Variants in ACTR10 observed in about 807,000 individuals in gnomAD.
The protein encoded by ACTR10 is actin-related protein 10.
A neutral mutation model predicts 56.2 loss-of-function variants in ACTR10; 43 were observed. That is an observed-to-expected ratio of 0.77 (90% CI 0.60 to 0.99). ACTR10 has a LOEUF of 0.99. Among genes scored for constraint, ACTR10 ranks in the 50% least tolerant of loss-of-function variants. ACTR10 has a pLI of 0.00. For missense variants in ACTR10, 466 were observed against 507.8 expected, an observed-to-expected ratio of 0.92 and a Z score of 0.79; for synonymous variants, 170 against 176.3, an observed-to-expected ratio of 0.96 and a Z score of 0.28.
At chr14:58,216,827 T>C (rs138100217) in intron 7 of ACTR10, among the ~76,000 whole-genome samples, 1 of 152,366 alleles carries the variant, frequency 6.6e-6, no homozygotes, top group East Asian at 1.9e-4. Flanking sequence ...TAATTTATTA[T>C]AGCACATATG....
intron 11 of ACTR10, among the ~76,000 whole-genome samples, chr14:58,230,912 C>G (rs1806488988): frequency 6.6e-6 from 1 of 152,024 alleles, no homozygotes; most frequent in African/African-American, 2.4e-5. Flanking sequence ...AGGCACCCAC[C>G]ACCTTGCCCA....
intron 7 of ACTR10, among the ~76,000 whole-genome samples, chr14:58,218,156 T>A (rs1259486900): frequency 1.3e-5 from 2 of 152,218 alleles, no homozygotes; most frequent in Non-Finnish European, 2.9e-5. Context: ...CTTTGACATG[T>A]TAAAATTTAT....
At chr14:58,203,144 A>G (rs969948784) in intron 2 of ACTR10, among the ~76,000 whole-genome samples, 8 of 152,018 alleles carry the variant, frequency 5.3e-5, no homozygotes, top group African/African-American at 7.3e-5. Flanking sequence ...TCAACTAAAA[A>G]TACAAAAATT....
intron 2 of ACTR10, 59 bp from the exon 3 acceptor site, chr14:58,207,877 A>G (rs1219221940): frequency 9.8e-7 from 1 of 1,021,178 alleles, no homozygotes; most frequent in African/African-American, 1.7e-5. Context: ...TTACATTTTA[A>G]TCTTAATTTG....
intron 5 of ACTR10, among the ~76,000 whole-genome samples, chr14:58,212,504 A>G (rs1034498920): frequency 2.6e-5 from 4 of 152,240 alleles, no homozygotes; most frequent in Admixed American, 6.5e-5. Context: ...AAAAATATTC[A>G]TGGAAGGAAA....
rs1157043083 is a variant in ACTR10 at position 58,200,150 on chromosome 14, C to T, written c.-68C>T. 2 of 1,224,048 alleles carry T rather than the reference C, an allele frequency of 1.6e-6. No homozygotes were observed. The highest frequency in any genetic ancestry group is 1.0e-6 in the Non-Finnish European group (1 of 954,028). 75.8% of individuals were successfully genotyped at this position (1,224,048 alleles called of 1,614,324 possible). A position where few individuals can be genotyped will look rare whatever the true frequency, so the allele number is the denominator to read the frequency against. On this transcript the variant is annotated 5_prime_UTR_variant, in exon 1 of 13. Transcript: ENST00000254286. ...CCCGAGCGCCGGAGCCCCGGCCCCG[C>T]CCCGCGAGCGCCGAGACTTGTTGGC...
At chr14:58,219,545 T>C (rs1316589225) in intron 7 of ACTR10, 149 bp from the exon 8 acceptor site, 1 of 486,874 alleles carries the variant, frequency 2.1e-6, no homozygotes, top group Non-Finnish European at 3.6e-6. Flanking sequence ...AAAACAAAAT[T>C]AAATTTTTCT....
intron 2 of ACTR10, among the ~76,000 whole-genome samples, chr14:58,205,277 C>T (rs553674897): frequency 1.3e-5 from 2 of 151,254 alleles, no homozygotes; most frequent in South Asian, 4.2e-4. Context: ...TAGACGAGAC[C>T]AGCAGTTTAT....
Position 58,232,126 on chromosome 14 carries a change from A to T in ACTR10, c.931A>T (p.Met311Leu). The T allele has an allele frequency of 6.2e-7, 1 of 1,613,960 alleles. No individual in the cohort carries two copies. The highest frequency in any genetic ancestry group is 8.5e-7 in the Non-Finnish European group (1 of 1,179,932). ...TTTGGTAGTCATAGGTGGCACTTCT[A>T]TGTTGCCAGGATTTCTCCACAGATT... ...ENLVVIGGTS[M>L]LPGFLHRLLA... The change falls in exon 12 of 13, where the codon ATG becomes TTG. Residue 311 changes from methionine to leucine, a missense_variant. By Grantham distance (15) the Met-to-Leu change is conservative (BLOSUM62 2). Transcript: ENST00000254286.
intron 7 of ACTR10, among the ~76,000 whole-genome samples, chr14:58,217,412 AATCCCAGCAC>A (rs1889157622): frequency 6.6e-6 from 1 of 152,172 alleles, no homozygotes; most frequent in African/African-American, 2.4e-5. Context: ...TCACGCCTGT[AATCCCAGCAC>A]TTTGGGACGC....
intron 2 of ACTR10, among the ~76,000 whole-genome samples, chr14:58,204,407 C>T (rs1182063411): frequency 6.6e-6 from 1 of 151,426 alleles, no homozygotes; most frequent in East Asian, 1.9e-4. Context: ...AAAATAAAAT[C>T]GTGGAGGTGG....
In ACTR10 at chr14:58,234,566, A is replaced by G; in HGVS notation, c.*15A>G. 6.2e-7 allele frequency: 1 copy of G among 1,600,642 alleles called. No individual in the cohort carries two copies. The highest frequency in any genetic ancestry group is 1.3e-5 in the African/African-American group (1 of 74,478). On this transcript the variant is annotated 3_prime_UTR_variant, in exon 13 of 13. Transcript: ENST00000254286. The stretch of plus-strand genomic sequence containing the variant: ...CTGAGAAATAGAAGTTTGATTAAAA[A>G]TCAACCTTGCTTCATATCAAATATT...
chr14:58,225,177 G>C (rs1889369118), intron 10 of ACTR10, among the ~76,000 whole-genome samples: 1 of 152,146 alleles, frequency 6.6e-6, no homozygotes, highest in South Asian at 2.1e-4. Flanking sequence ...ATAGTTTGCT[G>C]ACTGCTGCTT....
chr14:58,213,836 G>T, intron 6 of ACTR10, 138 bp downstream of exon 6: 2 of 593,192 alleles, frequency 3.4e-6, no homozygotes, highest in Non-Finnish European at 5.6e-6. Flanking sequence ...TATTAGCTTC[G>T]AGTATATTCA....
chr14:58,228,299 A>G (rs1208737851), intron 10 of ACTR10, among the ~76,000 whole-genome samples: 2 of 152,286 alleles, frequency 1.3e-5, no homozygotes, highest in East Asian at 3.9e-4. Context: ...GAAGGGAAAG[A>G]AGGAAGTACT....
At chr14:58,210,959 G>A (rs1249082174) in intron 4 of ACTR10, 3 of 192,790 alleles carry the variant, frequency 1.6e-5, no homozygotes, top group Non-Finnish European at 3.2e-5. Flanking sequence ...ACAGGCGTGA[G>A]CCTCTGTGCC....
At chr14:58,206,464 T>TGAGCCAC (rs1266354082) in intron 2 of ACTR10, among the ~76,000 whole-genome samples, 7 of 152,210 alleles carry the variant, frequency 4.6e-5, no homozygotes, top group African/African-American at 1.7e-4. Flanking sequence ...ATTACAGGCA[T>TGAGCCAC]GAGCCACTGC....
chr14:58,230,816 A>G (rs912012014), intron 11 of ACTR10, among the ~76,000 whole-genome samples: 1 of 150,980 alleles, frequency 6.6e-6, no homozygotes, highest in Non-Finnish European at 1.5e-5. Context: ...GCTGGAGTGC[A>G]GTGGCGCGAT....
rs369919060 is a variant in ACTR10 at position 58,223,611 on chromosome 14, C to G, written c.635-11C>G. 6.2e-7 allele frequency: 1 copy of G among 1,603,144 alleles called. No individual in the cohort carries two copies. The highest frequency in any genetic ancestry group is 8.5e-7 in the Non-Finnish European group (1 of 1,175,868). On this transcript the variant is annotated splice_polypyrimidine_tract_variant and intron_variant, in intron 8 of 12. Coordinates refer to ENST00000254286, the MANE Select transcript of ACTR10 (RefSeq NM_018477.3). ...ACTAGCCATAATAAGGTCTCCTTTT[C>G]TTCCTTAAAGCGCGTACTTGCTTTG...
Sources: gnomAD v4.1 joint callset for allele counts (sites outside exome capture counted in the v4.1 genomes callset) on GRCh38, gnomAD v4.1.1 for gene constraint, MANE v1.5 for transcripts, NCBI Gene and HGNC (gene_info 2026-07-23, HGNC 2026-07-21) for gene names.